The following TULP4 variants were observed in gnomAD, a reference collection of about 807,000 sequenced individuals.
TULP4 encodes TUB like protein 4, also known as tubby-related protein 4.
A neutral mutation model predicts 129.0 loss-of-function variants in TULP4; 16 were observed. The observed-to-expected ratio is 0.12, with a 90% CI of 0.08 to 0.19. The LOEUF (loss-of-function observed/expected upper bound fraction) is 0.19, where lower values mean the gene tolerates loss of function less well. Ranked by LOEUF, TULP4 falls within the 10% of genes least tolerant of loss-of-function variation. The probability of loss-of-function intolerance (pLI) is 1.00; values close to 1 mark genes in which losing one functional copy is unlikely to be tolerated. For missense variants in TULP4, 1,842 were observed against 2,059.1 expected (o/e 0.89, Z 2.04); for synonymous variants, 998 against 854.0 (o/e 1.17, Z -2.94).
rs139036254 is a variant in TULP4, at chr6:158,361,632, G to A, written c.252+47364G>A. 1.0e-3 allele frequency among the ~76,000 whole-genome samples: 152 copies of A among 152,224 alleles called. 3 individuals are homozygous for A. In the East Asian group the frequency reaches 0.027, roughly 27 times the overall value. ...TTACTTTTCAATTTTTGAGATACAAGTCACATATTTTCTTTTTAAAATTAA... is the reference window on the plus strand; with the variant it reads ...TTACTTTTCAATTTTTGAGATACAAATCACATATTTTCTTTTTAAAATTAA... On this transcript the variant is annotated intron_variant, in intron 1 of 13. Transcript: ENST00000367097.
chr6:158,361,137 T>C (rs1435673975), intron 1 of TULP4, among the ~76,000 whole-genome samples: 1 of 152,228 alleles, frequency 6.6e-6, no homozygotes, highest in Non-Finnish European at 1.5e-5. Context: ...TGATGTAGAA[T>C]TGCTTCTGTG....
At chr6:158,308,016 T>C (rs535785278), upstream of TULP4, among the ~76,000 whole-genome samples, 3 of 151,832 alleles carry the variant, frequency 2.0e-5, no homozygotes, top group South Asian at 6.3e-4. Flanking sequence ...TCTTTTTTTA[T>C]TTTTATTGAT....
intron 5 of TULP4, among the ~76,000 whole-genome samples, chr6:158,457,865 G>A (rs376416584): frequency 2.0e-5 from 3 of 152,030 alleles, no homozygotes; most frequent in Admixed American, 6.6e-5. Flanking sequence ...TGCCCACGTC[G>A]TCCTCATTGA....
chr6:158,420,783 CTA>C (rs71677181), intron 2 of TULP4, among the ~76,000 whole-genome samples: 13,087 of 152,166 alleles, frequency 0.086, 657 homozygotes, highest in South Asian at 0.17. Context: ...CTCGCCCGGC[CTA>C]TTTAGGCATT....
intron 4 of TULP4, 56 bp downstream of exon 4, chr6:158,449,232 G>A (rs534920217): frequency 2.4e-5 from 37 of 1,548,758 alleles, no homozygotes; most frequent in Middle Eastern, 1.7e-4. Context: ...GAAGGGCATC[G>A]GAGCAGAGTA....
chr6:158,485,095 G>T (rs138353813), intron 8 of TULP4, among the ~76,000 whole-genome samples: 1 of 152,202 alleles, frequency 6.6e-6, no homozygotes, highest in Non-Finnish European at 1.5e-5. Context: ...TGGATGAAAG[G>T]TGATCCTATA....
rs1383788703 is a variant in TULP4, at chr6:158,384,215, A to G, written c.253-28850A>G. On this transcript the variant is annotated intron_variant, in intron 1 of 13. Coordinates refer to ENST00000367097, the MANE Select transcript of TULP4 (RefSeq NM_020245.5). ...TCTTTTATTCATTTTTATTACCATA[A>G]TGTAGTATACGTTATGACAAGGTAA... Among the ~76,000 whole-genome samples the G allele has an allele frequency of 2.0e-5, 3 of 152,178 alleles. No individual in the cohort carries two copies. In the East Asian group the frequency reaches 5.8e-4, roughly 29 times the overall value.
chr6:158,328,578 C>G (rs1357481098), intron 1 of TULP4, among the ~76,000 whole-genome samples: 1 of 152,042 alleles, frequency 6.6e-6, no homozygotes, highest in Non-Finnish European at 1.5e-5. Context: ...TATGGCTCAG[C>G]AGGGGAGAGG....
At chr6:158,488,201 G>A (rs1652291550) in intron 8 of TULP4, among the ~76,000 whole-genome samples, 1 of 152,190 alleles carries the variant, frequency 6.6e-6, no homozygotes. Flanking sequence ...CAGGAGCTGA[G>A]TGGGCAGTGT....
chr6:158,251,241 T>C (rs1045774836), intron 1 of TULP4, among the ~76,000 whole-genome samples: 1 of 152,224 alleles, frequency 6.6e-6, no homozygotes, highest in Non-Finnish European at 1.5e-5. Flanking sequence ...CTAATGTTAT[T>C]GAAAGATTGT....
At chr6:158,374,354 A>G (rs1223972737) in intron 1 of TULP4, among the ~76,000 whole-genome samples, 1 of 151,936 alleles carries the variant, frequency 6.6e-6, no homozygotes. Context: ...TAGTGTGGAT[A>G]TATTGCAAAT....
rs1779933416 is a variant in TULP4 at position 158,481,129 on chromosome 6, C to T, written c.1326C>T (p.Cys442=). 1 of 1,612,188 alleles carries T rather than the reference C, an allele frequency of 6.2e-7. No homozygotes were observed. The highest frequency in any genetic ancestry group is 8.5e-7 in the Non-Finnish European group (1 of 1,178,528). The stretch of plus-strand genomic sequence containing the variant: ...CAGCCGGCAACGAGCGGCTGCACTG[C>T]ACCATGAAGCGCACAGAGGACGACC... ...YPSAGNERLH[C]TMKRTEDDPE... is the part of the protein sequence containing the mutation. Residue 442 remains cysteine (C), a synonymous_variant, in exon 8 of 14, where the codon TGC becomes TGT. Coordinates refer to ENST00000367097, the MANE Select transcript of TULP4 (RefSeq NM_020245.5).
chr6:158,293,583 G>A (rs1412485401), intron 1 of TULP4, among the ~76,000 whole-genome samples: 2 of 152,188 alleles, frequency 1.3e-5, no homozygotes, highest in Non-Finnish European at 2.9e-5. Flanking sequence ...GTCTGCTTAT[G>A]TGCTCAGTGC....
At chr6:158,281,362 T>C (rs1288873812), upstream of TULP4, among the ~76,000 whole-genome samples, 2 of 152,012 alleles carry the variant, frequency 1.3e-5, no homozygotes, top group Non-Finnish European at 2.9e-5. Flanking sequence ...TACAGGCGCC[T>C]ACCACCATGC....
chr6:158,253,863 C>T (rs1047902506), intron 1 of TULP4, among the ~76,000 whole-genome samples: 3 of 151,928 alleles, frequency 2.0e-5, no homozygotes, highest in Non-Finnish European at 4.4e-5. Context: ...GGCGAAACTC[C>T]GTCTCTACTA....
chr6:158,346,314 A>G (rs778872427), intron 1 of TULP4, among the ~76,000 whole-genome samples: 3 of 152,230 alleles, frequency 2.0e-5, no homozygotes, highest in Non-Finnish European at 2.9e-5. Context: ...TTGGGAAGTG[A>G]TAAATGTCCA....
chr6:158,504,915 CAT>C (rs764106850), intron 13 of TULP4, among the ~76,000 whole-genome samples: 25 of 152,194 alleles, frequency 1.6e-4, no homozygotes, highest in African/African-American at 3.6e-4. Flanking sequence ...CACACACACA[CAT>C]GTATGCACAC....
intron 4 of TULP4, 21 bp from the exon 5 acceptor site, chr6:158,452,113 T>C (rs778475882): frequency 6.2e-7 from 1 of 1,611,810 alleles, no homozygotes; most frequent in Non-Finnish European, 8.5e-7. Flanking sequence ...TCCTTTTCAC[T>C]TGGCACTTGT....
At position 158,493,750 on chromosome 6, in the gene TULP4, C is replaced by T. The variant is rs1292985735; in HGVS notation, c.1776+33C>T. 2 of 1,510,920 alleles carry T rather than the reference C, an allele frequency of 1.3e-6. No individual in the cohort carries two copies. The highest frequency in any genetic ancestry group is 4.4e-5 in the Admixed American group (2 of 45,954). The allele number at this position is 1,510,920 out of a possible 1,614,324, so 93.6% of individuals were successfully genotyped here. A position where few individuals can be genotyped will look rare whatever the true frequency, so the allele number is the denominator to read the frequency against. ...CCCCCAGTTACCCTGCCTTGCTCCCCTCCTCCTGGGGGCTATGCCCAGAGG... is the reference window on the plus strand; with the variant it reads ...CCCCCAGTTACCCTGCCTTGCTCCCTTCCTCCTGGGGGCTATGCCCAGAGG... On this transcript the variant is annotated intron_variant, in intron 10 of 13. Transcript: ENST00000367097. This position sits in a 1 kb window ranked among gnomAD's most constrained non-coding sequence, Gnocchi z 4.4.
Sources: allele counts gnomAD v4.1 joint callset (sites outside exome capture counted in the v4.1 genomes callset), GRCh38; gene constraint gnomAD v4.1.1; non-coding constraint Gnocchi (gnomAD v3.1); transcripts MANE v1.5; gene names NCBI Gene and HGNC (gene_info 2026-07-23, HGNC 2026-07-21).